OXNAD1: variants seen among roughly 807,000 people sequenced by gnomAD.
OXNAD1 encodes oxidoreductase NAD binding domain containing 1.
OXNAD1 carries 34 observed loss-of-function variants against 32.9 expected under a neutral mutation model. The ratio of observed to expected loss-of-function variants is 1.03; its 90% CI spans 0.79 to 1.38. OXNAD1 has a LOEUF of 1.38. Ranked by LOEUF, OXNAD1 falls within the 40% of genes most tolerant of loss-of-function variation. The pLI is 0.00. For synonymous variants in OXNAD1, 134 were observed against 135.2 expected (o/e 0.99, Z 0.06); for missense variants, 407 against 379.4 (o/e 1.07, Z -0.60).
At chr3:16,292,596 T>C (rs2066507864) in intron 5 of OXNAD1, among the ~76,000 whole-genome samples, 1 of 152,218 alleles carries the variant, frequency 6.6e-6, no homozygotes, top group African/African-American at 2.4e-5. Flanking sequence ...GGGTCATATC[T>C]AAGAAGCCAT....
At position 16,277,075 on chromosome 3, in the gene OXNAD1, C is replaced by G. The variant is rs1301755289; in HGVS notation, c.183+5353C>G. Among the ~76,000 whole-genome samples, 1 of 152,058 alleles carries G rather than the reference C, an allele frequency of 6.6e-6. No homozygotes were observed. Among genetic ancestry groups the G allele is most frequent in the African/African-American group, 2.4e-5 (1 of 41,384 alleles). On this transcript the variant is annotated intron_variant, in intron 4 of 8. Transcript: ENST00000285083. The surrounding 1 kb of genome is among the most constrained non-coding windows in gnomAD (Gnocchi z 4.3). Reference sequence around the variant, plus strand: ...CAGTAGCTGGGATTACAGGCGCCTGCCACCATGCCCGGCTAACTTTTTTTT... The same window carrying G: ...CAGTAGCTGGGATTACAGGCGCCTGGCACCATGCCCGGCTAACTTTTTTTT...
intron 9 of OXNAD1, chr3:16,326,944 C>G (rs1559815745): frequency 8.4e-7 from 1 of 1,195,022 alleles, no homozygotes; most frequent in Non-Finnish European, 1.2e-6. Context: ...TGAGAGGGGA[C>G]TATTCAGTCT....
Position 16,329,713 on chromosome 3 carries a change from C to T in OXNAD1, c.*31-7399C>T, listed in dbSNP as rs976776984. On this transcript the variant is annotated intron_variant, in intron 9 of 9. Transcript: ENST00000435829. The surrounding 1 kb of genome is among the most constrained non-coding windows in gnomAD (Gnocchi z 4.5). ...AAAACCAATTTTAAATCCACACTCTCAAGCTTTGCGAGGTTATGATTACTT... is the reference window on the plus strand; with the variant it reads ...AAAACCAATTTTAAATCCACACTCTTAAGCTTTGCGAGGTTATGATTACTT... Among the ~76,000 whole-genome samples, 5 of 152,132 alleles carry T rather than the reference C, an allele frequency of 3.3e-5. No individual in the cohort carries two copies. The highest frequency in any genetic ancestry group is 1.2e-4 in the African/African-American group (5 of 41,430).
chr3:16,329,250 C>T lies in OXNAD1; in HGVS notation c.*31-7862C>T, dbSNP rs1300836878. On this transcript the variant is annotated intron_variant, in intron 9 of 9. Coordinates refer to the OXNAD1 transcript ENST00000435829. The surrounding 1 kb of genome is among the most constrained non-coding windows in gnomAD (Gnocchi z 4.5). The stretch of plus-strand genomic sequence containing the variant: ...CCTTGGACTTCCCAGCCTCCAGGAC[C>T]AGGAGCCAAGAACTGTCTGTCCTTT... 3.3e-5 allele frequency among the ~76,000 whole-genome samples: 5 copies of T among 152,218 alleles called. No individual in the cohort carries two copies. Among genetic ancestry groups the T allele is most frequent in the African/African-American group, 9.6e-5 (4 of 41,466 alleles).
intron 5 of OXNAD1, among the ~76,000 whole-genome samples, chr3:16,291,610 A>C (rs2066434208): frequency 6.6e-6 from 1 of 152,218 alleles, no homozygotes; most frequent in Non-Finnish European, 1.5e-5. Context: ...CATTGTATGG[A>C]TATGCCACAT....
chr3:16,295,033 G>T (rs767168631), intron 6 of OXNAD1, 36 bp downstream of exon 6: 4 of 1,562,972 alleles, frequency 2.6e-6, no homozygotes, highest in Non-Finnish European at 2.6e-6. Flanking sequence ...GATGATCTGG[G>T]TATCTCTGCC....
At chr3:16,309,170 T>C (rs902901178), downstream of OXNAD1, among the ~76,000 whole-genome samples, 13 of 152,210 alleles carry the variant, frequency 8.5e-5, no homozygotes, top group African/African-American at 3.1e-4. Context: ...ATTCTTGCTA[T>C]ATACCATAAT....
downstream of OXNAD1, among the ~76,000 whole-genome samples, chr3:16,342,140 T>G (rs1436216937): frequency 6.6e-6 from 1 of 152,174 alleles, no homozygotes; most frequent in Non-Finnish European, 1.5e-5. The surrounding 1 kb of genome is among the most constrained non-coding windows in gnomAD (Gnocchi z 4.0). Context: ...ACAATCTAAG[T>G]TTAGACCACT....
At chr3:16,328,879 C>T (rs1283366252) in intron 9 of OXNAD1, among the ~76,000 whole-genome samples, 1 of 152,184 alleles carries the variant, frequency 6.6e-6, no homozygotes, top group Non-Finnish European at 1.5e-5. Context: ...TAACTTTTTC[C>T]CATCATTCTC....
intron 5 of OXNAD1, among the ~76,000 whole-genome samples, chr3:16,291,960 T>A (rs1317291634): frequency 6.6e-6 from 1 of 152,224 alleles, no homozygotes; most frequent in African/African-American, 2.4e-5. Context: ...TGATTTTGAC[T>A]TACATTGCCC....
Position 16,304,601 on chromosome 3 carries a change from GT to G in OXNAD1, c.*1042del, listed in dbSNP as rs2067415006. 1.3e-5 allele frequency: 2 copies of G among 152,164 alleles called. No individual in the cohort carries two copies. Among genetic ancestry groups the G allele is most frequent in the Admixed American group, 1.3e-4 (2 of 15,282 alleles). The allele number at this position is 152,164 out of a possible 1,614,324, so 9.4% of individuals were successfully genotyped here. ...GCTAGAAAGCAGATTGTAGTTCTTT[GT>G]TTAGATTTTTAAAAATCCAAAAGAA... On this transcript the variant is annotated 3_prime_UTR_variant, in exon 9 of 9. Transcript: ENST00000285083. This position sits in a 1 kb window ranked among gnomAD's most constrained non-coding sequence, Gnocchi z 4.6.
chr3:16,295,897 C>T (rs2066752785), intron 6 of OXNAD1, among the ~76,000 whole-genome samples: 1 of 152,144 alleles, frequency 6.6e-6, no homozygotes, highest in Non-Finnish European at 1.5e-5. Context: ...CTTGGAAACA[C>T]ACTGTAGTAT....
At chr3:16,296,029 G>C (rs958427931) in intron 6 of OXNAD1, among the ~76,000 whole-genome samples, 1 of 152,116 alleles carries the variant, frequency 6.6e-6, no homozygotes, top group South Asian at 2.1e-4. Flanking sequence ...GGAGTGGGGT[G>C]GGACTTACAG....
chr3:16,294,835 T>C (rs2066663803), intron 5 of OXNAD1, 21 bp from the exon 6 acceptor site: 1 of 1,600,190 alleles, frequency 6.2e-7, no homozygotes, highest in Non-Finnish European at 8.5e-7. Context: ...ACAATAATCA[T>C]TTATTTGGCT....
Position 16,299,210 on chromosome 3 carries a change from A to G in OXNAD1, c.433-2416A>G, listed in dbSNP as rs1475627435. ...TTCACTCTGATTCTTATAGATAAAG[A>G]GAGAACTGCACAGGCAAGCAAGAGA... On this transcript the variant is annotated intron_variant, in intron 6 of 8. Transcript: ENST00000285083. The surrounding 1 kb of genome is among the most constrained non-coding windows in gnomAD (Gnocchi z 4.4). Among the ~76,000 whole-genome samples the G allele has an allele frequency of 1.3e-5, 2 of 152,236 alleles. No individual in the cohort carries two copies. Among genetic ancestry groups the G allele is most frequent in the South Asian group, 2.1e-4 (1 of 4,834 alleles).
At position 16,326,161 on chromosome 3, in the gene OXNAD1, G is replaced by A. The variant is rs184801564; in HGVS notation, c.*31-10951G>A. On this transcript the variant is annotated intron_variant, in intron 9 of 9. Coordinates refer to the OXNAD1 transcript ENST00000435829. The stretch of plus-strand genomic sequence containing the variant: ...AACATATAGATGGAGGGCCTTTTAT[G>A]GTTGGTGTGACTGGGCTCAAGGGAG... Among the ~76,000 whole-genome samples the A allele has an allele frequency of 3.3e-4, 50 of 152,352 alleles. No individual in the cohort carries two copies. In the East Asian group the frequency reaches 8.9e-3, roughly 27 times the overall value.
At chr3:16,326,524 T>A (rs2069709293) in intron 9 of OXNAD1, among the ~76,000 whole-genome samples, 1 of 152,200 alleles carries the variant, frequency 6.6e-6, no homozygotes, top group African/African-American at 2.4e-5. Context: ...GCGGCTCATC[T>A]TTGACATTCT....
intron 6 of OXNAD1, among the ~76,000 whole-genome samples, chr3:16,296,982 G>A (rs1010021823): frequency 6.6e-6 from 1 of 152,140 alleles, no homozygotes; most frequent in Non-Finnish European, 1.5e-5. Flanking sequence ...CAAAAAAAAG[G>A]TTGATGATAG....
chr3:16,326,829 C>T lies in OXNAD1; in HGVS notation c.*31-10283C>T, dbSNP rs760229079. On this transcript the variant is annotated intron_variant, in intron 9 of 9. Transcript: ENST00000435829. The stretch of plus-strand genomic sequence containing the variant: ...CACAGGTGAGCTGCCAGCCATAGGC[C>T]GCCAGCGAGTTCAGCAGGGGCACGT... 1.6e-5 allele frequency: 26 copies of T among 1,613,940 alleles called. No individual in the cohort carries two copies. In the South Asian group the frequency reaches 2.0e-4, roughly 12 times the overall value.
Sources: allele counts gnomAD v4.1 joint callset (sites outside exome capture counted in the v4.1 genomes callset), GRCh38; gene constraint gnomAD v4.1.1; non-coding constraint Gnocchi (gnomAD v3.1); transcripts MANE v1.5; gene names NCBI Gene and HGNC (gene_info 2026-07-23, HGNC 2026-07-21).